The following RBM10 variants were observed in gnomAD, a reference collection of about 807,000 sequenced individuals.
The protein encoded by RBM10 is RNA-binding protein 10.
In RBM10, 1 loss-of-function variant was observed where a neutral mutation model predicts 84.9. The observed-to-expected ratio is 0.01, with a 90% CI of 0.00 to 0.06. The LOEUF is 0.06. RBM10 is among the 10% of genes least tolerant of loss of function. The pLI, the probability that RBM10 is intolerant of heterozygous loss-of-function variation, is 1.00. For missense variants in RBM10, 438 were observed against 839.0 expected (o/e 0.52, Z 5.90); for synonymous variants, 326 against 344.5 (o/e 0.95, Z 0.60).
chrX:47,171,310 G>A (rs782314145), intron 4 of RBM10, 52 bp downstream of exon 4: 1 of 1,194,524 alleles, frequency 8.4e-7, no homozygotes, highest in Admixed American at 2.2e-5. Context: ...TCTCCTCCAG[G>A]GCCCTCAACT....
intron 2 of RBM10, among the ~76,000 whole-genome samples, chrX:47,150,973 A>T (rs1932769693): frequency 8.9e-6 from 1 of 112,267 alleles, no homozygotes; most frequent in Non-Finnish European, 1.9e-5. Flanking sequence ...TGTAAAGAGC[A>T]TAAAAAGCTT....
chrX:47,186,657 CAG>C lies in RBM10; in HGVS notation c.*61_*62del, dbSNP rs1935940288. On this transcript the variant is annotated 3_prime_UTR_variant, in exon 24 of 24. Coordinates refer to ENST00000377604, the MANE Select transcript of RBM10 (RefSeq NM_005676.5). ...GTGTCCATCCTGGGGCAGGGAAGGA[CAG>C]AGTGTTGGATGGCTGGGACGGGGCC... 5.9e-6 allele frequency: 7 copies of C among 1,195,609 alleles called. No homozygotes were observed. The highest frequency in any genetic ancestry group is 6.8e-6 in the Non-Finnish European group (6 of 882,241).
chrX:47,180,545 T>C lies in RBM10; in HGVS notation c.1248+39T>C, dbSNP rs782040225. ...TTGTGCCTCCCAGCGTCCTGAGACCTGGGCTTTCTCAACCCTCCTGCACCC... is the reference window on the plus strand; with the variant it reads ...TTGTGCCTCCCAGCGTCCTGAGACCCGGGCTTTCTCAACCCTCCTGCACCC... On this transcript the variant is annotated intron_variant, in intron 12 of 23. Transcript: ENST00000377604. 5.8e-6 allele frequency: 7 copies of C among 1,198,484 alleles called. No homozygotes were observed. In the South Asian group the frequency reaches 1.3e-4, roughly 22 times the overall value.
chrX:47,180,556 A>C, intron 12 of RBM10, 50 bp downstream of exon 12: 1 of 1,194,203 alleles, frequency 8.4e-7, no homozygotes, highest in Non-Finnish European at 1.1e-6. Context: ...GGGCTTTCTC[A>C]ACCCTCCTGC....
At chrX:47,162,957 G>A (rs1388439261) in intron 2 of RBM10, among the ~76,000 whole-genome samples, 2 of 109,706 alleles carry the variant, frequency 1.8e-5, no homozygotes, top group Admixed American at 9.8e-5. Flanking sequence ...AGGTGATCAT[G>A]GTTAACATCA....
At chrX:47,178,153 C>T (rs1197282949) in intron 7 of RBM10, among the ~76,000 whole-genome samples, 2 of 111,556 alleles carry the variant, frequency 1.8e-5, no homozygotes, top group South Asian at 3.7e-4. Context: ...TGACTACCCA[C>T]GCCTCTCCTC....
intron 1 of RBM10, among the ~76,000 whole-genome samples, chrX:47,147,066 C>T (rs782095557): frequency 3.6e-5 from 4 of 111,773 alleles, no homozygotes; most frequent in Non-Finnish European, 7.5e-5. Flanking sequence ...GGTGGCAAAG[C>T]CCTGATCACA....
chrX:47,149,317 C>G (rs1240513968), intron 2 of RBM10, among the ~76,000 whole-genome samples: 2 of 111,090 alleles, frequency 1.8e-5, no homozygotes, highest in Non-Finnish European at 3.8e-5. Flanking sequence ...GCCGCTGTAA[C>G]TGGCCAACAG....
At position 47,171,138 on chromosome X, in the gene RBM10, C is replaced by T. The variant is rs1556772869; in HGVS notation, c.312C>T (p.Asp104=). ...TCCCCCGAGACGGCGACTATCGGGA[C>T]CAGGACTATCGGACCGAGCAAGGGG... ...PGFPRDGDYR[D]QDYRTEQGEE... is the part of the protein sequence containing the mutation. Residue 104 remains aspartate, a synonymous_variant, in exon 4 of 24, where the codon GAC becomes GAT. Transcript: ENST00000377604. The T allele has an allele frequency of 8.3e-7, 1 of 1,210,070 alleles. No homozygotes were observed. The highest frequency in any genetic ancestry group is 2.2e-5 in the Admixed American group (1 of 45,927).
At chrX:47,158,238 T>C (rs7065584) in intron 2 of RBM10, 9,982 of 178,503 alleles carry the variant, frequency 0.056, 1,057 homozygotes, top group African/African-American at 0.29. Flanking sequence ...CTGAGGAAAT[T>C]GCCCATAGGC....
intron 2 of RBM10, among the ~76,000 whole-genome samples, chrX:47,159,451 A>C (rs1933482083): frequency 9.1e-6 from 1 of 109,510 alleles, no homozygotes; most frequent in Non-Finnish European, 1.9e-5. Flanking sequence ...ACATGGGTGC[A>C]TGTGATAGAA....
chrX:47,154,535 T>G (rs782687403), intron 2 of RBM10, among the ~76,000 whole-genome samples: 1 of 109,823 alleles, frequency 9.1e-6, no homozygotes, highest in East Asian at 2.9e-4. Context: ...CACCGCAACC[T>G]CTGCTTTCCA....
intron 17 of RBM10, among the ~76,000 whole-genome samples, chrX:47,182,567 C>T (rs935058280): frequency 8.8e-6 from 1 of 113,256 alleles, no homozygotes; most frequent in Non-Finnish European, 1.9e-5. Context: ...TTGTGCCATC[C>T]GAGTGAGCCC....
At chrX:47,162,097 T>C (rs1402222433) in intron 2 of RBM10, among the ~76,000 whole-genome samples, 1 of 112,609 alleles carries the variant, frequency 8.9e-6, no homozygotes, top group Non-Finnish European at 1.9e-5. Context: ...TGCCTTGGCC[T>C]CCCACAGTGC....
intron 5 of RBM10, among the ~76,000 whole-genome samples, chrX:47,174,669 T>C (rs1556775301): frequency 9.1e-6 from 1 of 110,454 alleles, no homozygotes; most frequent in Non-Finnish European, 1.9e-5. Flanking sequence ...ATCTCTCGTA[T>C]TCTTTCCCTC....
chrX:47,163,228 G>T (rs903163981), intron 2 of RBM10, among the ~76,000 whole-genome samples: 4 of 111,470 alleles, frequency 3.6e-5, no homozygotes, highest in Non-Finnish European at 7.5e-5. Flanking sequence ...GAGACTGAGG[G>T]AACATGACAA....
chrX:47,146,469 G>GC (rs1932236011), intron 1 of RBM10, among the ~76,000 whole-genome samples: 1 of 111,486 alleles, frequency 9.0e-6, no homozygotes. Context: ...TTATTGCCTG[G>GC]CTTTACCTGC....
At chrX:47,157,802 A>C (rs1248227367) in intron 2 of RBM10, 3 of 348,928 alleles carry the variant, frequency 8.6e-6, no homozygotes, top group Non-Finnish European at 4.9e-6. Context: ...TTTTTTTGAG[A>C]TCAGTCTCAC....
intron 2 of RBM10, among the ~76,000 whole-genome samples, chrX:47,151,738 T>A (rs1033125906): frequency 8.9e-6 from 1 of 112,229 alleles, no homozygotes; most frequent in Admixed American, 9.5e-5. Flanking sequence ...GTTGAGACAG[T>A]AGGAAGAAGG....
Sources: allele counts gnomAD v4.1 joint callset (sites outside exome capture counted in the v4.1 genomes callset), GRCh38; gene constraint gnomAD v4.1.1; transcripts MANE v1.5; gene names NCBI Gene and HGNC (gene_info 2026-07-23, HGNC 2026-07-21).